Variants in KCNH4 observed in about 807,000 individuals in gnomAD.
The protein encoded by KCNH4 is potassium voltage-gated channel subfamily H member 4.
Under a neutral mutation model 90.7 loss-of-function variants are expected in KCNH4, and 33 were observed. The observed-to-expected ratio is 0.36, with a 90% CI of 0.28 to 0.49. The LOEUF (loss-of-function observed/expected upper bound fraction) is 0.49, where lower values mean the gene tolerates loss of function less well. KCNH4 is among the 20% of genes least tolerant of loss of function. KCNH4 has a pLI of 0.98. For missense variants in KCNH4, 1,044 were observed against 1,387.1 expected (o/e 0.75, Z 3.93); for synonymous variants, 551 against 581.7 (o/e 0.95, Z 0.76).
rs1472488439 is a variant in KCNH4 at position 42,178,176 on chromosome 17, C to T, written c.509G>A (p.Arg170Lys). 6 of 1,614,224 alleles carry T rather than the reference C, an allele frequency of 3.7e-6. No homozygotes were observed. Among genetic ancestry groups the T allele is most frequent in the Non-Finnish European group, 5.1e-6 (6 of 1,180,030 alleles). ...GATWKFRSAR[R>K]RSRTVLHRLT... ...TCGGTGTAGGACAGTACGGCTCCGTCTTCTGGCAGACCGAAATTTCCAGGT... is the reference window on the plus strand; with the variant it reads ...TCGGTGTAGGACAGTACGGCTCCGTTTTCTGGCAGACCGAAATTTCCAGGT... The change falls in exon 4 of 17, where the codon AGA becomes AAA. Residue 170 changes from arginine (R) to lysine (K), a missense_variant. Arg to Lys is a conservative substitution (Grantham distance 26). Transcript: ENST00000264661.
At chr17:42,172,118 C>G (rs2079831599) in intron 6 of KCNH4, 123 bp from the exon 7 acceptor site, 2 of 732,344 alleles carry the variant, frequency 2.7e-6, no homozygotes, top group Non-Finnish European at 4.6e-6. Context: ...GGAAAGACAT[C>G]TTTGCTGTCC....
intron 7 of KCNH4, among the ~76,000 whole-genome samples, chr17:42,170,678 G>A (rs896845705): frequency 6.6e-6 from 1 of 152,252 alleles, no homozygotes; most frequent in South Asian, 2.1e-4. Context: ...TGGAAGGAAA[G>A]TATTGTATAG....
At chr17:42,165,325 G>T in intron 11 of KCNH4, 124 bp downstream of exon 11, 1 of 1,201,220 alleles carries the variant, frequency 8.3e-7, no homozygotes, top group Non-Finnish European at 1.2e-6. Context: ...CAATGGAGGA[G>T]GGTGCCTGGG....
chr17:42,164,044 C>G (rs1300382109), intron 12 of KCNH4, 86 bp from the exon 13 acceptor site: 6 of 1,503,880 alleles, frequency 4.0e-6, no homozygotes, highest in Non-Finnish European at 5.4e-6. Context: ...GCGGATGCAG[C>G]TCCCCATCCA....
chr17:42,162,416 G>A (rs1291222750), intron 14 of KCNH4, 95 bp from the exon 15 acceptor site: 2 of 1,045,654 alleles, frequency 1.9e-6, no homozygotes, highest in African/African-American at 3.2e-5. Context: ...CAGGCGGAGA[G>A]CAGGGGGAGA....
chr17:42,158,220 G>A (rs1487811856), intron 16 of KCNH4, among the ~76,000 whole-genome samples: 2 of 149,356 alleles, frequency 1.3e-5, no homozygotes, highest in African/African-American at 4.9e-5. Flanking sequence ...GAGCCACCAT[G>A]CCCAGCCTAC....
At chr17:42,158,525 C>G (rs1413140452) in intron 16 of KCNH4, among the ~76,000 whole-genome samples, 2 of 135,438 alleles carry the variant, frequency 1.5e-5, no homozygotes, top group African/African-American at 5.7e-5. Flanking sequence ...AGTGAGACTC[C>G]GTCTCAAAAA....
Position 42,163,451 on chromosome 17 carries a change from A to C in KCNH4, c.2478-117T>G. On this transcript the variant is annotated intron_variant, in intron 13 of 16. Transcript: ENST00000264661. The surrounding 1 kb of genome is among the most constrained non-coding windows in gnomAD (Gnocchi z 5.4). ...GGGGCGGAGCAAGAGCAGCAGTCAA[A>C]GTGGGTTGGGGTTGCAAGCTGTGGT... is the stretch of plus-strand genomic sequence containing the variant. The C allele has an allele frequency of 1.2e-6, 1 of 831,394 alleles. No individual in the cohort carries two copies. The highest frequency in any genetic ancestry group is 1.6e-5 in the South Asian group (1 of 63,432). 51.5% of individuals were successfully genotyped at this position (831,394 alleles called of 1,614,324 possible). A position where few individuals can be genotyped will look rare whatever the true frequency, so the allele number is the denominator to read the frequency against.
rs1027784134 is a variant in KCNH4 at position 42,180,199 on chromosome 17, G to A, written c.76+671C>T. Among the ~76,000 whole-genome samples, 1 of 152,236 alleles carries A rather than the reference G, an allele frequency of 6.6e-6. No homozygotes were observed. The highest frequency in any genetic ancestry group is 1.5e-5 in the Non-Finnish European group (1 of 68,026). On this transcript the variant is annotated intron_variant, in intron 1 of 16. Coordinates refer to ENST00000264661, the MANE Select transcript of KCNH4 (RefSeq NM_012285.3). The surrounding 1 kb of genome is among the most constrained non-coding windows in gnomAD (Gnocchi z 4.7). Reference sequence around the variant, plus strand: ...GCCAGGGTTCCCGAGGGAATGGCGGGGTTGGGGGAGGTGAGGGCGGGGAAT... The same window carrying A: ...GCCAGGGTTCCCGAGGGAATGGCGGAGTTGGGGGAGGTGAGGGCGGGGAAT...
chr17:42,173,969 T>G (rs886074017), intron 6 of KCNH4, among the ~76,000 whole-genome samples: 5 of 152,016 alleles, frequency 3.3e-5, no homozygotes, highest in Admixed American at 1.3e-4. Flanking sequence ...CCCAAAGTGC[T>G]GGGATTACAG....
rs1480381457 is a variant in KCNH4, at chr17:42,163,438, G to C, written c.2478-104C>G. On this transcript the variant is annotated intron_variant, in intron 13 of 16. Coordinates refer to ENST00000264661, the MANE Select transcript of KCNH4 (RefSeq NM_012285.3). This position sits in a 1 kb window ranked among gnomAD's most constrained non-coding sequence, Gnocchi z 5.4. ...GCAGCAGTGCCAGGGGGCGGAGCAA[G>C]AGCAGCAGTCAAAGTGGGTTGGGGT... 1.1e-6 allele frequency: 1 copy of C among 885,076 alleles called. No individual in the cohort carries two copies. Among genetic ancestry groups the C allele is most frequent in the Non-Finnish European group, 1.8e-6 (1 of 559,414 alleles). 54.8% of individuals were successfully genotyped at this position (885,076 alleles called of 1,614,324 possible).
Position 42,163,626 on chromosome 17 carries a change from T to G in KCNH4, c.2457A>C (p.Gly819=). Residue 819 remains glycine (G), a synonymous_variant, in exon 13 of 17, where the codon GGA becomes GGC. Coordinates refer to ENST00000264661, the MANE Select transcript of KCNH4 (RefSeq NM_012285.3). This position sits in a 1 kb window ranked among gnomAD's most constrained non-coding sequence, Gnocchi z 5.4. ...CTCACCGGGGACTGAGGTCCGGAGG[T>G]CCAAAGGTTCCCAGTGGGGGAATGA... The part of the protein sequence containing the change: ...QLLIPPLGTF[G]PPDLSPRIVD... 1 of 1,486,750 alleles carries G rather than the reference T, an allele frequency of 6.7e-7. No individual in the cohort carries two copies. Among genetic ancestry groups the G allele is most frequent in the Non-Finnish European group, 9.0e-7 (1 of 1,111,172 alleles). 92.1% of individuals were successfully genotyped at this position (1,486,750 alleles called of 1,614,324 possible). A position where few individuals can be genotyped will look rare whatever the true frequency, so the allele number is the denominator to read the frequency against.
chr17:42,178,470 G>A lies in KCNH4; in HGVS notation c.318C>T (p.Ala106=), dbSNP rs1007614679. Residue 106 remains alanine, a synonymous_variant, in exon 3 of 17, where the codon GCC becomes GCT. Transcript: ENST00000264661. ...GCATCATGTCCAGGAGGCACCAAAA[G>A]GCTGAGCCTGTAGGCATGGAGAGAG... The part of the protein sequence containing the change: ...EICFYRKDGS[A]FWCLLDMMPI... 4 of 1,614,056 alleles carry A rather than the reference G, an allele frequency of 2.5e-6. No homozygotes were observed. The highest frequency in any genetic ancestry group is 2.7e-5 in the African/African-American group (2 of 74,948).
intron 16 of KCNH4, among the ~76,000 whole-genome samples, chr17:42,158,011 C>A (rs2079720422): frequency 6.6e-6 from 1 of 152,098 alleles, no homozygotes; most frequent in Non-Finnish European, 1.5e-5. Context: ...TCACTGCACC[C>A]TCCACCTCCC....
At chr17:42,165,827 G>A in intron 10 of KCNH4, 134 bp from the exon 11 acceptor site, 1 of 1,048,046 alleles carries the variant, frequency 9.5e-7, no homozygotes, top group South Asian at 1.5e-5. Context: ...AATGGGATTG[G>A]TGGAAATAAC....
At chr17:42,161,122 G>A (rs1276511901) in intron 15 of KCNH4, among the ~76,000 whole-genome samples, 2 of 151,942 alleles carry the variant, frequency 1.3e-5, no homozygotes, top group African/African-American at 4.8e-5. Context: ...TAGAGACAGG[G>A]TTTCACCGTG....
Position 42,160,253 on chromosome 17 carries a change from G to T in KCNH4, c.2841C>A (p.Ser947Arg). The change falls in exon 16 of 17, where the codon AGC becomes AGA. Residue 947 changes from serine (S) to arginine (R), a missense_variant. Around this residue, in one of 4 missense-constraint regions of KCNH4, gnomAD observed 441 missense variants for 512.3 expected, o/e 0.86. Coordinates refer to ENST00000264661, the MANE Select transcript of KCNH4 (RefSeq NM_012285.3). ...CTTCAGCAAGCGTAGTATCCTGGAG[G>T]CTGGGTGGTGGTCTGGACGCACAAG... is the stretch of plus-strand genomic sequence containing the variant. The part of the protein sequence containing the change: ...LSPCASRPPP[S>R]LQDTTLAEVH... 1 of 1,614,162 alleles carries T rather than the reference G, an allele frequency of 6.2e-7. No individual in the cohort carries two copies. The highest frequency in any genetic ancestry group is 8.5e-7 in the Non-Finnish European group (1 of 1,180,004).
At chr17:42,161,224 G>A (rs950217941) in intron 15 of KCNH4, among the ~76,000 whole-genome samples, 19 of 152,152 alleles carry the variant, frequency 1.2e-4, no homozygotes, top group African/African-American at 3.4e-4. Context: ...CACCGCGCCC[G>A]GCCTATCAGG....
At chr17:42,168,972 C>T (rs188358295) in intron 9 of KCNH4, among the ~76,000 whole-genome samples, 5 of 152,212 alleles carry the variant, frequency 3.3e-5, no homozygotes, top group Admixed American at 6.5e-5. Context: ...GGGGTTTCAC[C>T]GTGTTAGCCA....
Sources: allele counts gnomAD v4.1 joint callset (sites outside exome capture counted in the v4.1 genomes callset), GRCh38; gene constraint gnomAD v4.1.1; regional missense constraint gnomAD v4.1.1; non-coding constraint Gnocchi (gnomAD v3.1); transcripts MANE v1.5; gene names NCBI Gene and HGNC (gene_info 2026-07-23, HGNC 2026-07-21).